Variants in SORCS1 observed in about 807,000 individuals in gnomAD.
The protein encoded by SORCS1 is sortilin related VPS10 domain containing receptor 1.
SORCS1 carries 60 observed loss-of-function variants against 146.1 expected under a neutral mutation model. That is an observed-to-expected ratio of 0.41 (90% confidence interval 0.33 to 0.51). The LOEUF (loss-of-function observed/expected upper bound fraction) is 0.51. Ranked by LOEUF, SORCS1 falls within the 20% of genes least tolerant of loss-of-function variation. The pLI is 0.21. For missense variants in SORCS1, 1,352 were observed against 1,487.6 expected (o/e 0.91, Z 1.50); for synonymous variants, 637 against 584.0 (o/e 1.09, Z -1.31).
Position 106,731,724 on chromosome 10 carries a change from C to G in SORCS1, c.960-1610G>C, listed in dbSNP as rs532799516. On this transcript the variant is annotated intron_variant, in intron 5 of 25. Coordinates refer to ENST00000263054, the MANE Select transcript of SORCS1 (RefSeq NM_052918.5). ...CTTCCCCCAACAGACACACACACAA[C>G]ACACAAATACAAAAGATACACACAC... is the stretch of plus-strand genomic sequence containing the variant. Among the ~76,000 whole-genome samples, 9 of 152,228 alleles carry G rather than the reference C, an allele frequency of 5.9e-5. No individual in the cohort carries two copies. The South Asian group carries it at 1.9e-3, about 32-fold the overall frequency.
intron 1 of SORCS1, among the ~76,000 whole-genome samples, chr10:107,049,560 C>T (rs1959912151): frequency 6.6e-6 from 1 of 152,126 alleles, no homozygotes; most frequent in African/African-American, 2.4e-5. Context: ...TTCATTGTTA[C>T]ATTTCTATTA....
chr10:107,074,301 C>A (rs1385435045), intron 1 of SORCS1, among the ~76,000 whole-genome samples: 2 of 152,086 alleles, frequency 1.3e-5, no homozygotes, highest in Non-Finnish European at 2.9e-5. Flanking sequence ...CATTATGCAG[C>A]CTTTTCAGAT....
intron 14 of SORCS1, among the ~76,000 whole-genome samples, chr10:106,674,328 C>CAAAAAAAAAAAAAAAAAAAAAAAAAA (rs10658432): frequency 3.7e-5 from 1 of 27,374 alleles, no homozygotes; most frequent in Non-Finnish European, 5.4e-5. Flanking sequence ...GACTCCGTCT[C>CAAAAAAAAAAAAAAAAAAAAAAAAAA]AAAAAAAAAA....
intron 1 of SORCS1, among the ~76,000 whole-genome samples, chr10:107,041,189 A>C (rs1959139032): frequency 6.6e-6 from 1 of 152,180 alleles, no homozygotes; most frequent in Admixed American, 6.5e-5. Context: ...TTTAGGGAAA[A>C]AACAGTAAAA....
chr10:106,992,826 CTTTTTTTTT>C (rs36052970), intron 1 of SORCS1, among the ~76,000 whole-genome samples: 2 of 57,088 alleles, frequency 3.5e-5, no homozygotes, highest in Non-Finnish European at 3.0e-5. Context: ...TTCTTTCTTT[CTTTTTTTTT>C]TTTTTTTTTT....
At chr10:106,726,744 C>T (rs1856218532) in intron 6 of SORCS1, among the ~76,000 whole-genome samples, 1 of 152,158 alleles carries the variant, frequency 6.6e-6, no homozygotes, top group African/African-American at 2.4e-5. Context: ...CTACTCAAAG[C>T]ATGTTTCACA....
intron 1 of SORCS1, among the ~76,000 whole-genome samples, chr10:106,992,199 C>T (rs1335104705): frequency 6.6e-6 from 1 of 152,132 alleles, no homozygotes; most frequent in African/African-American, 2.4e-5. Context: ...AGCTTAAAAG[C>T]ACAGGCATGG....
intron 5 of SORCS1, among the ~76,000 whole-genome samples, chr10:106,760,710 AACACACAC>A (rs58948425): frequency 3.4e-5 from 5 of 148,640 alleles, no homozygotes; most frequent in East Asian, 2.0e-4. Context: ...CACACACACT[AACACACAC>A]ACACACACAC....
intron 2 of SORCS1, among the ~76,000 whole-genome samples, chr10:106,895,896 T>A (rs1450081854): frequency 6.6e-6 from 1 of 151,996 alleles, no homozygotes; most frequent in Non-Finnish European, 1.5e-5. Flanking sequence ...ATGGACAAAA[T>A]GTTATCATAC....
chr10:106,712,863 G>A (rs1855097761), intron 6 of SORCS1, among the ~76,000 whole-genome samples: 1 of 152,144 alleles, frequency 6.6e-6, no homozygotes, highest in African/African-American at 2.4e-5. Context: ...TCCAATATCG[G>A]ATCTGTCAGC....
chr10:107,083,520 T>C (rs1307873956), intron 1 of SORCS1, among the ~76,000 whole-genome samples: 1 of 152,228 alleles, frequency 6.6e-6, no homozygotes, highest in African/African-American at 2.4e-5. Flanking sequence ...ACTTAGAAGA[T>C]AAGACTGTCA....
At chr10:106,800,407 A>C (rs922212818) in intron 3 of SORCS1, among the ~76,000 whole-genome samples, 2 of 152,056 alleles carry the variant, frequency 1.3e-5, no homozygotes, top group African/African-American at 4.8e-5. Context: ...AGGATTGTGT[A>C]CAATACCATA....
At chr10:106,923,632 G>A (rs112625903) in intron 2 of SORCS1, among the ~76,000 whole-genome samples, 9 of 152,294 alleles carry the variant, frequency 5.9e-5, no homozygotes, top group African/African-American at 2.2e-4. Flanking sequence ...GCATTTGGTG[G>A]TGTCAGTGTC....
rs144028514 is a variant in SORCS1 at position 106,844,476 on chromosome 10, T to G, written c.627-14803A>C. 4.3e-3 allele frequency among the ~76,000 whole-genome samples: 651 copies of G among 152,204 alleles called. 3 individuals carry two copies. Among genetic ancestry groups the G allele is most frequent in the African/African-American group, 0.014 (597 of 41,564 alleles). ...TTTAAGTTTTTACTCAATTTTTAATTGATTTTCATGTATGATATAAAATAA... is the reference window on the plus strand; with the variant it reads ...TTTAAGTTTTTACTCAATTTTTAATGGATTTTCATGTATGATATAAAATAA... On this transcript the variant is annotated intron_variant, in intron 2 of 25. Coordinates refer to ENST00000263054, the MANE Select transcript of SORCS1 (RefSeq NM_052918.5).
chr10:107,031,497 T>C (rs1023563144), intron 1 of SORCS1, among the ~76,000 whole-genome samples: 3 of 152,200 alleles, frequency 2.0e-5, no homozygotes, highest in Admixed American at 6.5e-5. Context: ...TCCATTCTTA[T>C]TGAAAAAGAC....
chr10:107,017,501 G>A (rs149795592), intron 1 of SORCS1, among the ~76,000 whole-genome samples: 173 of 152,298 alleles, frequency 1.1e-3, no homozygotes, highest in African/African-American at 3.9e-3. Context: ...AGCTTTGACA[G>A]AAAAGGCAAT....
intron 24 of SORCS1, 43 bp from the exon 25 acceptor site, chr10:106,579,517 G>T (rs754539118): frequency 3.8e-6 from 6 of 1,598,234 alleles, no homozygotes; most frequent in Non-Finnish European, 5.1e-6. Context: ...CAGAGAACTG[G>T]GCAGGTGAGA....
chr10:106,808,410 A>G (rs1351881226), intron 3 of SORCS1, among the ~76,000 whole-genome samples: 1 of 152,250 alleles, frequency 6.6e-6, no homozygotes, highest in Non-Finnish European at 1.5e-5. Context: ...CAATGAGCTA[A>G]CAGAATATGT....
intron 8 of SORCS1, among the ~76,000 whole-genome samples, chr10:106,706,197 A>AGAAC (rs1854507287): frequency 6.6e-6 from 1 of 151,664 alleles, no homozygotes; most frequent in Admixed American, 6.6e-5. Flanking sequence ...CAGAGAAGAA[A>AGAAC]GAAAGAAAGA....
Sources: allele counts gnomAD v4.1 joint callset (sites outside exome capture counted in the v4.1 genomes callset), GRCh38; gene constraint gnomAD v4.1.1; transcripts MANE v1.5; gene names NCBI Gene and HGNC (gene_info 2026-07-23, HGNC 2026-07-21).